The following MASP1 variants were observed in gnomAD, a reference collection of about 807,000 sequenced individuals.
The protein encoded by MASP1 is mannan-binding lectin serine protease 1.
In MASP1, 59 loss-of-function variants were observed where a neutral mutation model predicts 77.1. The observed-to-expected ratio is 0.77, with a 90% CI of 0.62 to 0.95. The LOEUF (loss-of-function observed/expected upper bound fraction) is 0.95, where lower values mean the gene tolerates loss of function less well. MASP1 is among the 40% of genes least tolerant of loss of function. The pLI is 0.00. For missense variants in MASP1, 885 were observed against 912.9 expected (o/e 0.97, Z 0.39); for synonymous variants, 362 against 354.5 (o/e 1.02, Z -0.24).
intron 1 of MASP1, chr3:187,291,201 T>C (rs1463799379): frequency 4.4e-6 from 1 of 225,906 alleles, no homozygotes; most frequent in East Asian, 1.0e-4. Flanking sequence ...CTGGTTTCTT[T>C]TCTGGTCAGA....
In MASP1 at chr3:187,223,192, C is replaced by T. The variant is rs900722298; in HGVS notation, c.1744G>A (p.Ala582Thr). Residue 582 changes from alanine (A) to threonine (T), a missense_variant and splice_region_variant, in exon 14 of 16, where the codon GCC becomes ACC. Coordinates refer to the MASP1 transcript ENST00000337774. ...CCCCAGCCGCTGACGATGACCATGGCTCCTGGAGGAGAGAAGATACTGTGA... is the reference window on the plus strand; with the variant it reads ...CCCCAGCCGCTGACGATGACCATGGTTCCTGGAGGAGAGAAGATACTGTGA... 8 of 1,614,030 alleles carry T rather than the reference C, an allele frequency of 5.0e-6. No individual in the cohort carries two copies. Among genetic ancestry groups the T allele is most frequent in the Non-Finnish European group, 5.9e-6 (7 of 1,179,886 alleles).
At chr3:187,260,624 T>A (rs1715482606) in intron 4 of MASP1, 117 bp downstream of exon 4, 1 of 1,394,152 alleles carries the variant, frequency 7.2e-7, no homozygotes. Context: ...CTGAGGTGCA[T>A]CATTGACTTC....
intron 10 of MASP1, among the ~76,000 whole-genome samples, chr3:187,239,198 A>AG (rs1204247721): frequency 6.6e-6 from 1 of 151,820 alleles, no homozygotes; most frequent in African/African-American, 2.4e-5. Context: ...AAAAAAAAAA[A>AG]AAAAAAAAGT....
chr3:187,219,115 T>A (rs1251759171), exon 16 of MASP1: 2 of 152,254 alleles, frequency 1.3e-5, no homozygotes, highest in Non-Finnish European at 2.9e-5. Flanking sequence ...AAGGGGTGGG[T>A]ATTTCAGGAG....
At chr3:187,227,866 C>T (rs933669680) in intron 11 of MASP1, among the ~76,000 whole-genome samples, 1 of 152,148 alleles carries the variant, frequency 6.6e-6, no homozygotes, top group Non-Finnish European at 1.5e-5. Context: ...GCAGATCCCT[C>T]TACCCAGGTG....
At chr3:187,265,183 G>C (rs968338163) in intron 2 of MASP1, among the ~76,000 whole-genome samples, 2 of 152,122 alleles carry the variant, frequency 1.3e-5, no homozygotes, top group Non-Finnish European at 2.9e-5. Flanking sequence ...ACTGCTTGCG[G>C]ATGAACTTGA....
intron 2 of MASP1, among the ~76,000 whole-genome samples, chr3:187,273,200 A>T (rs1201356138): frequency 6.6e-6 from 1 of 152,220 alleles, no homozygotes; most frequent in African/African-American, 2.4e-5. Flanking sequence ...CGCTGAAGCC[A>T]TCAGCAGTGG....
chr3:187,245,715 G>C (rs1714017515), intron 8 of MASP1, among the ~76,000 whole-genome samples: 1 of 152,156 alleles, frequency 6.6e-6, no homozygotes, highest in Non-Finnish European at 1.5e-5. Flanking sequence ...TATGCTCTTT[G>C]CTTTAGGAAG....
chr3:187,263,191 A>C (rs1715744218), intron 2 of MASP1: 3 of 185,604 alleles, frequency 1.6e-5, no homozygotes, highest in South Asian at 2.2e-4. Context: ...TGTGCACACA[A>C]TAGCAGTGTT....
chr3:187,234,422 C>A lies in MASP1; in HGVS notation c.*1262G>T, dbSNP rs923906100. The A allele has an allele frequency of 4.7e-6, 6 of 1,286,536 alleles. No individual in the cohort carries two copies. The highest frequency in any genetic ancestry group is 3.3e-4 in the Middle Eastern group (1 of 3,058). 79.7% of individuals were successfully genotyped at this position (1,286,536 alleles called of 1,614,324 possible). On this transcript the variant is annotated 3_prime_UTR_variant, in exon 11 of 11. Coordinates refer to ENST00000296280, the MANE Select transcript of MASP1 (RefSeq NM_139125.4). The stretch of plus-strand genomic sequence containing the variant: ...GAGTGCTCCAGCTAGAAGGAACCTG[C>A]AGGGGACCTTATGCCAGCCTGTTGC...
chr3:187,289,445 CAGA>C (rs1412191496), intron 1 of MASP1, among the ~76,000 whole-genome samples: 1 of 152,154 alleles, frequency 6.6e-6, no homozygotes, highest in Non-Finnish European at 1.5e-5. Context: ...TTAACTTCAA[CAGA>C]AGAAGGGAAT....
At chr3:187,266,837 T>C (rs1716065914) in intron 2 of MASP1, among the ~76,000 whole-genome samples, 1 of 152,078 alleles carries the variant, frequency 6.6e-6, no homozygotes, top group Non-Finnish European at 1.5e-5. Flanking sequence ...CAAATTTCTG[T>C]GGAAGGACAG....
intron 2 of MASP1, among the ~76,000 whole-genome samples, chr3:187,275,677 A>C (rs1716902674): frequency 6.6e-6 from 1 of 152,018 alleles, no homozygotes; most frequent in Non-Finnish European, 1.5e-5. Context: ...TTACTTCCTA[A>C]TTATGTGATT....
chr3:187,233,815 G>A (rs1712913760), downstream of MASP1, among the ~76,000 whole-genome samples: 1 of 152,216 alleles, frequency 6.6e-6, no homozygotes. Flanking sequence ...AGCGTGTGGG[G>A]GGTTGGGCCT....
rs1183056224 is a variant in MASP1 at position 187,241,508 on chromosome 3, C to T, written c.1276G>A (p.Gly426Arg). 6.2e-7 allele frequency: 1 copy of T among 1,613,754 alleles called. No individual in the cohort carries two copies. The highest frequency in any genetic ancestry group is 1.7e-5 in the Admixed American group (1 of 60,004). The change falls in exon 10 of 11, where the codon GGG (glycine) becomes AGG (arginine). Residue 426 changes from glycine (G) to arginine (R), a missense_variant. Physicochemically the swap from Gly to Arg is moderately radical, Grantham distance 125 (BLOSUM62 -2). Coordinates refer to ENST00000296280, the MANE Select transcript of MASP1 (RefSeq NM_139125.4). Reference protein sequence around the residue: ...AQGVWMNKVLGRSLPTCLPEC... With the variant: ...AQGVWMNKVLRRSLPTCLPEC... ...GGAAGGCAGGTGGGTAGGCTTCTCC[C>T]CAATACTTTATTCATCCAGACTCCT...
exon 16 of MASP1, chr3:187,218,068 C>A (rs1269296923): frequency 6.6e-6 from 1 of 152,218 alleles, no homozygotes; most frequent in Non-Finnish European, 1.5e-5. Context: ...CTCCGTCTTA[C>A]CTGTGGACAA....
At position 187,235,970 on chromosome 3, in the gene MASP1, T is replaced by C. The variant is rs1408957368; in HGVS notation, c.1901A>G (p.Tyr634Cys). 5.6e-6 allele frequency: 9 copies of C among 1,614,128 alleles called. No individual in the cohort carries two copies. Among genetic ancestry groups the C allele is most frequent in the Non-Finnish European group, 7.6e-6 (9 of 1,180,048 alleles). Residue 634 changes from tyrosine (Y) to cysteine (C), a missense_variant, in exon 11 of 11, where the codon TAT (tyrosine) becomes TGT (cysteine). By Grantham distance (194) the Tyr-to-Cys change is radical. Coordinates refer to ENST00000296280, the MANE Select transcript of MASP1 (RefSeq NM_139125.4). The stretch of plus-strand genomic sequence containing the variant: ...GCTGTAATTGCCCGAGCGGGACTCA[T>C]AGCTAGTTTTGCACTCAGCGTGAGG... Reference protein sequence around the residue: ...VVPHAECKTSYESRSGNYSVT... With the variant: ...VVPHAECKTSCESRSGNYSVT...
chr3:187,223,118 GAACTTC>G (rs1712166647), intron 14 of MASP1: 3 of 1,612,428 alleles, frequency 1.9e-6, no homozygotes, highest in Non-Finnish European at 2.5e-6. Flanking sequence ...GTTATAAAGT[GAACTTC>G]ACCTCCATCA....
intron 1 of MASP1, among the ~76,000 whole-genome samples, chr3:187,287,486 C>A (rs950786607): frequency 1.3e-5 from 2 of 152,182 alleles, no homozygotes; most frequent in African/African-American, 4.8e-5. Flanking sequence ...GTTAGACACA[C>A]CCTTTGGAGT....
Sources: gnomAD v4.1 joint callset for allele counts (sites outside exome capture counted in the v4.1 genomes callset) on GRCh38, gnomAD v4.1.1 for gene constraint, MANE v1.5 for transcripts, NCBI Gene and HGNC (gene_info 2026-07-23, HGNC 2026-07-21) for gene names.